Variants in DNAH12 observed in about 807,000 individuals in gnomAD.
DNAH12 encodes dynein axonemal heavy chain 12.
DNAH12 carries 285 observed loss-of-function variants against 371.5 expected under a neutral mutation model. The observed-to-expected ratio is 0.77, with a 90% CI of 0.70 to 0.85. DNAH12 has a LOEUF of 0.85. Ranked by LOEUF, DNAH12 falls within the 40% of genes least tolerant of loss-of-function variation. DNAH12 has a pLI of 0.00. For missense variants in DNAH12, 3,611 were observed against 3,689.4 expected (o/e 0.98, Z 0.55); for synonymous variants, 1,200 against 1,213.0 (o/e 0.99, Z 0.22).
chr3:57,384,242 T>C (rs2063455555), intron 49 of DNAH12, among the ~76,000 whole-genome samples: 1 of 152,174 alleles, frequency 6.6e-6, no homozygotes. Flanking sequence ...GTACTTAACA[T>C]ATGCCTGCTG....
chr3:57,298,048 C>G (rs547724153), intron 70 of DNAH12, among the ~76,000 whole-genome samples: 1 of 152,316 alleles, frequency 6.6e-6, no homozygotes, highest in Admixed American at 6.5e-5. Flanking sequence ...CTAATCTGGA[C>G]TGGACTAAAG....
intron 25 of DNAH12, 69 bp downstream of exon 25, chr3:57,452,774 G>A (rs967553075): frequency 7.2e-7 from 1 of 1,388,720 alleles, no homozygotes; most frequent in Non-Finnish European, 9.7e-7. Flanking sequence ...GGTAAGACAA[G>A]AGAGAAAAGA....
chr3:57,471,095 G>C (rs1186042145), intron 15 of DNAH12, among the ~76,000 whole-genome samples: 1 of 151,898 alleles, frequency 6.6e-6, no homozygotes, highest in Non-Finnish European at 1.5e-5. Context: ...ATAGAGAACT[G>C]AGTCACAAGA....
intron 70 of DNAH12, among the ~76,000 whole-genome samples, chr3:57,298,460 G>C (rs1015061651): frequency 6.6e-6 from 1 of 152,202 alleles, no homozygotes; most frequent in Admixed American, 6.5e-5. Flanking sequence ...AAGAAGCCAG[G>C]ACAAGATATC....
intron 65 of DNAH12, among the ~76,000 whole-genome samples, chr3:57,319,028 CTTCT>C (rs1208221702): frequency 2.0e-5 from 3 of 152,162 alleles, no homozygotes; most frequent in Admixed American, 6.5e-5. Flanking sequence ...ATGTTCATGT[CTTCT>C]TTAACTTATT....
intron 25 of DNAH12, among the ~76,000 whole-genome samples, chr3:57,447,415 G>A (rs1199019416): frequency 2.0e-5 from 3 of 152,176 alleles, no homozygotes; most frequent in Admixed American, 1.3e-4. Flanking sequence ...TCTGTTTCAC[G>A]GGAGTTTCAA....
chr3:57,360,487 G>C (rs948987945), intron 58 of DNAH12, among the ~76,000 whole-genome samples: 1 of 151,980 alleles, frequency 6.6e-6, no homozygotes, highest in Non-Finnish European at 1.5e-5. Context: ...TTGGGAGTTC[G>C]AGACCAGCCT....
chr3:57,403,539 A>G (rs1293015032), intron 42 of DNAH12, 38 bp from the exon 43 acceptor site: 2 of 1,493,298 alleles, frequency 1.3e-6, no homozygotes, highest in Admixed American at 2.2e-5. Flanking sequence ...GCATTACAAT[A>G]TAAATGTAAA....
chr3:57,334,975 T>C (rs941436424), intron 60 of DNAH12, 35 bp from the exon 61 acceptor site: 7 of 1,518,670 alleles, frequency 4.6e-6, no homozygotes, highest in Admixed American at 4.6e-5. Context: ...TATATAATTG[T>C]TGATTTTAAA....
In DNAH12 at chr3:57,378,216, A is replaced by G. The variant is rs1406670604; in HGVS notation, c.8223+942T>C. ...GTGTGGAGTTATAGAGTGGGAAGGCAGGAAAAAGCCTGAGTGCCTTGGCTT... is the reference window on the plus strand; with the variant it reads ...GTGTGGAGTTATAGAGTGGGAAGGCGGGAAAAAGCCTGAGTGCCTTGGCTT... On this transcript the variant is annotated intron_variant, in intron 52 of 73. Transcript: ENST00000495027. Among the ~76,000 whole-genome samples the G allele has an allele frequency of 3.9e-5, 6 of 152,252 alleles. No homozygotes were observed. In the East Asian group the frequency reaches 1.2e-3, roughly 29 times the overall value.
chr3:57,536,496 C>T (rs2069052199), intron 2 of DNAH12: 1 of 152,216 alleles, frequency 6.6e-6, no homozygotes, highest in Admixed American at 6.5e-5. Flanking sequence ...TGAGCAGCCT[C>T]ATTTCCCTGT....
rs114888682 is a variant in DNAH12, at chr3:57,530,743, T to C, written c.171-6859A>G. On this transcript the variant is annotated intron_variant, in intron 2 of 73. Transcript: ENST00000495027. ...ACACTGTAGACAACATTGATGATCCTTGTTTTGCACCTACATCACTTGGAG... is the reference window on the plus strand; with the variant it reads ...ACACTGTAGACAACATTGATGATCCCTGTTTTGCACCTACATCACTTGGAG... 3.1e-3 allele frequency: 818 copies of C among 267,120 alleles called. 10 individuals are homozygous for C. The highest frequency in any genetic ancestry group is 8.5e-3 in the South Asian group (125 of 14,670). The allele number at this position is 267,120 out of a possible 1,614,324, so 16.5% of individuals were successfully genotyped here.
Position 57,436,971 on chromosome 3 carries a change from T to G in DNAH12, c.4635A>C (p.Glu1545Asp). The change falls in exon 30 of 74, where the codon GAA (glutamate) becomes GAC (aspartate). Residue 1545 changes from glutamate to aspartate, a missense_variant. Around this residue, in one of 3 missense-constraint regions of DNAH12, gnomAD observed 2,266 missense variants for 2,236.9 expected, o/e 1.01. Coordinates refer to ENST00000495027, the MANE Select transcript of DNAH12 (RefSeq NM_001366028.2). Reference sequence around the variant, plus strand: ...CTTACCCATGTCTAACAATCATCATTTCATATGTTTGAATTATTTTTTCAA... The same window carrying G: ...CTTACCCATGTCTAACAATCATCATGTCATATGTTTGAATTATTTTTTCAA... ...FFLEKIIQTY[E>D]MMIVRHGFML... 1.3e-6 allele frequency: 2 copies of G among 1,499,572 alleles called. No individual in the cohort carries two copies. Among genetic ancestry groups the G allele is most frequent in the Non-Finnish European group, 8.9e-7 (1 of 1,124,624 alleles). The allele number at this position is 1,499,572 out of a possible 1,614,324, so 92.9% of individuals were successfully genotyped here.
intron 38 of DNAH12, 47 bp from the exon 39 acceptor site, chr3:57,413,959 G>A: frequency 2.0e-6 from 3 of 1,510,334 alleles, no homozygotes; most frequent in Admixed American, 2.2e-5. Context: ...ATTGAATTAG[G>A]GATTTATCAT....
chr3:57,369,299 A>G (rs1389082208), intron 55 of DNAH12, among the ~76,000 whole-genome samples: 4 of 120,256 alleles, frequency 3.3e-5, no homozygotes, highest in African/African-American at 6.3e-5. Flanking sequence ...ATAGAATTTT[A>G]ATTATATATT....
intron 39 of DNAH12, among the ~76,000 whole-genome samples, chr3:57,411,118 T>C (rs904748929): frequency 2.0e-5 from 3 of 152,112 alleles, no homozygotes; most frequent in Non-Finnish European, 2.9e-5. Flanking sequence ...CTCAAAGAAC[T>C]ACAAAAAACT....
intron 62 of DNAH12, among the ~76,000 whole-genome samples, chr3:57,333,354 G>C (rs897311040): frequency 9.3e-6 from 1 of 107,280 alleles, no homozygotes; most frequent in Non-Finnish European, 1.7e-5. Context: ...TTTTTTAGAT[G>C]GAGTCTCGCT....
intron 2 of DNAH12, among the ~76,000 whole-genome samples, chr3:57,524,933 G>A (rs1470552): frequency 0.61 from 92,523 of 151,822 alleles, 29,093 homozygotes; most frequent in South Asian, 0.68. Flanking sequence ...TAGACAATGG[G>A]GAGTAATCGA....
At chr3:57,493,037 A>T (rs892916765) in intron 11 of DNAH12, among the ~76,000 whole-genome samples, 1 of 148,334 alleles carries the variant, frequency 6.7e-6, no homozygotes, top group Admixed American at 6.8e-5. Context: ...AACAAACAAA[A>T]CTTTAATGAA....
Sources: allele counts gnomAD v4.1 joint callset (sites outside exome capture counted in the v4.1 genomes callset), GRCh38; gene constraint gnomAD v4.1.1; regional missense constraint gnomAD v4.1.1; transcripts MANE v1.5; gene names NCBI Gene and HGNC (gene_info 2026-07-23, HGNC 2026-07-21).